The following EXT1 variants were observed in gnomAD, a reference collection of about 807,000 sequenced individuals.
EXT1 encodes the protein exostosin glycosyltransferase 1, also known as exostosin-1.
In EXT1, 20 loss-of-function variants were observed where a neutral mutation model predicts 82.5. The observed-to-expected ratio is 0.24, with a 90% confidence interval of 0.17 to 0.35. EXT1 has a LOEUF of 0.35. Among genes scored for constraint, EXT1 ranks in the 10% least tolerant of loss-of-function variants. The probability of loss-of-function intolerance (pLI) is 1.00; values close to 1 mark genes in which losing one functional copy is unlikely to be tolerated. For missense variants in EXT1, 757 were observed against 936.5 expected (o/e 0.81, Z 2.50); for synonymous variants, 348 against 350.8 (o/e 0.99, Z 0.09).
At chr8:117,844,207 C>T (rs1045510731) in intron 1 of EXT1, among the ~76,000 whole-genome samples, 3 of 150,740 alleles carry the variant, frequency 2.0e-5, no homozygotes, top group Admixed American at 6.7e-5. Flanking sequence ...GGCTGCAGTG[C>T]AGTGGTGAGA....
intron 1 of EXT1, among the ~76,000 whole-genome samples, chr8:118,000,282 G>C (rs1235758422): frequency 1.3e-5 from 2 of 152,166 alleles, no homozygotes; most frequent in Non-Finnish European, 2.9e-5. Flanking sequence ...CAAAACCTTT[G>C]CAGCAAACAT....
Position 117,796,090 on chromosome 8 carries a change from T to C in EXT1, c.*3622A>G, listed in dbSNP as rs1823084951. On this transcript the variant is annotated 3_prime_UTR_variant, in exon 11 of 11. Transcript: ENST00000378204. ...GAATTCAGCAACTGCGGTCCTGATGTACTGGCTGCATGTTGATTATATTCA... is the reference window on the plus strand; with the variant it reads ...GAATTCAGCAACTGCGGTCCTGATGCACTGGCTGCATGTTGATTATATTCA... 1 of 152,216 alleles carries C rather than the reference T, an allele frequency of 6.6e-6. No individual in the cohort carries two copies. The highest frequency in any genetic ancestry group is 2.4e-5 in the African/African-American group (1 of 41,456). The allele number at this position is 152,216 out of a possible 1,614,324, so 9.4% of individuals were successfully genotyped here.
chr8:117,831,541 G>A, intron 3 of EXT1: 1 of 469,562 alleles, frequency 2.1e-6, no homozygotes, highest in Non-Finnish European at 4.4e-6. Flanking sequence ...TTCATTTACG[G>A]AGTCTATAGT....
chr8:118,022,472 G>GGATT (rs199644246), intron 1 of EXT1, among the ~76,000 whole-genome samples: 3,780 of 150,384 alleles, frequency 0.025, 136 homozygotes, highest in African/African-American at 0.083. Context: ...TGAGTAGCTG[G>GGATT]GATTATAGGC....
At chr8:117,835,222 C>T (rs1417322360) in intron 3 of EXT1, among the ~76,000 whole-genome samples, 1 of 152,162 alleles carries the variant, frequency 6.6e-6, no homozygotes, top group African/African-American at 2.4e-5. Context: ...CCATTCTTTA[C>T]CTGCAACTTC....
intron 1 of EXT1, among the ~76,000 whole-genome samples, chr8:117,978,535 G>A (rs932261082): frequency 6.6e-5 from 10 of 152,004 alleles, no homozygotes; most frequent in African/African-American, 2.4e-4. Context: ...AAAAAAGACT[G>A]GGTCATATTT....
chr8:118,090,637 C>T (rs949123350), intron 1 of EXT1, among the ~76,000 whole-genome samples: 2 of 151,206 alleles, frequency 1.3e-5, no homozygotes, highest in African/African-American at 2.4e-5. Flanking sequence ...AAATTAACTG[C>T]GCATGGTGGC....
At chr8:118,075,778 G>A (rs1029204011) in intron 1 of EXT1, among the ~76,000 whole-genome samples, 10 of 152,196 alleles carry the variant, frequency 6.6e-5, no homozygotes, top group Non-Finnish European at 1.2e-4. Context: ...ATCTCACATG[G>A]CAAGAGAAGG....
intron 1 of EXT1, among the ~76,000 whole-genome samples, chr8:117,967,789 GA>G (rs1393279927): frequency 6.6e-6 from 1 of 152,220 alleles, no homozygotes; most frequent in African/African-American, 2.4e-5. Flanking sequence ...TTAACTCACA[GA>G]ACAGAAATCT....
At chr8:118,029,460 C>A (rs1816267854) in intron 1 of EXT1, among the ~76,000 whole-genome samples, 1 of 152,046 alleles carries the variant, frequency 6.6e-6, no homozygotes, top group South Asian at 2.1e-4. Context: ...TACAAGTAAT[C>A]CTCTTTTAAG....
Position 117,867,088 on chromosome 8 carries a change from G to A in EXT1, c.963-29887C>T, listed in dbSNP as rs564422496. Among the ~76,000 whole-genome samples the A allele has an allele frequency of 3.3e-5, 5 of 151,988 alleles. No individual in the cohort carries two copies. The South Asian group carries it at 8.3e-4, about 25-fold the overall frequency. ...AGCCTGGCCAAAGTAGTGAAACCTCGTCTCTACTAAAAATACAAAAATTCG... is the reference window on the plus strand; with the variant it reads ...AGCCTGGCCAAAGTAGTGAAACCTCATCTCTACTAAAAATACAAAAATTCG... On this transcript the variant is annotated intron_variant, in intron 1 of 10. Coordinates refer to ENST00000378204, the MANE Select transcript of EXT1 (RefSeq NM_000127.3).
intron 1 of EXT1, among the ~76,000 whole-genome samples, chr8:118,012,586 G>A (rs1815924202): frequency 1.3e-5 from 2 of 152,236 alleles, no homozygotes; most frequent in Admixed American, 1.3e-4. Flanking sequence ...CCAGGGTGGA[G>A]ACACCTGGCT....
At chr8:118,071,961 G>A (rs1563647161) in intron 1 of EXT1, among the ~76,000 whole-genome samples, 1 of 152,140 alleles carries the variant, frequency 6.6e-6, no homozygotes, top group Non-Finnish European at 1.5e-5. Flanking sequence ...TTACACAGGT[G>A]AGTAGGTTAA....
intron 1 of EXT1, among the ~76,000 whole-genome samples, chr8:117,881,914 C>G (rs1301427377): frequency 6.6e-6 from 1 of 152,094 alleles, no homozygotes; most frequent in Non-Finnish European, 1.5e-5. Flanking sequence ...TGCCAGAGAT[C>G]CCCCAGGACT....
At chr8:117,964,222 A>C (rs1325535841) in intron 1 of EXT1, among the ~76,000 whole-genome samples, 1 of 152,240 alleles carries the variant, frequency 6.6e-6, no homozygotes, top group Non-Finnish European at 1.5e-5. Flanking sequence ...CTGATCTGAA[A>C]TCTGGAATTA....
At chr8:117,823,806 T>C (rs140829487) in intron 4 of EXT1, among the ~76,000 whole-genome samples, 80 of 152,314 alleles carry the variant, frequency 5.3e-4, no homozygotes, top group African/African-American at 1.8e-3. Context: ...TTCTGCATCT[T>C]ATCTTTCACC....
intron 1 of EXT1, among the ~76,000 whole-genome samples, chr8:117,931,051 A>T (rs1395782756): frequency 6.6e-6 from 1 of 152,242 alleles, no homozygotes. Flanking sequence ...AGTTCCAGGA[A>T]TTGCCCACCC....
intron 7 of EXT1, 151 bp downstream of exon 7, chr8:117,818,284 G>A: frequency 2.9e-6 from 2 of 693,582 alleles, no homozygotes; most frequent in Non-Finnish European, 5.2e-6. Context: ...GCCTATTGTG[G>A]TCAAATCTGA....
At chr8:117,875,214 C>T (rs1340342506) in intron 1 of EXT1, among the ~76,000 whole-genome samples, 4 of 151,832 alleles carry the variant, frequency 2.6e-5, no homozygotes, top group Non-Finnish European at 5.9e-5. Flanking sequence ...GTCAGGAGTT[C>T]GAGACCAGCC....
Sources: gnomAD v4.1 joint callset for allele counts (sites outside exome capture counted in the v4.1 genomes callset) on GRCh38, gnomAD v4.1.1 for gene constraint, MANE v1.5 for transcripts, NCBI Gene and HGNC (gene_info 2026-07-23, HGNC 2026-07-21) for gene names.